The following CNTN6 variants were observed in gnomAD, a reference collection of about 807,000 sequenced individuals.
The protein encoded by CNTN6 is contactin 6, also known as contactin-6.
Under a neutral mutation model 122.8 loss-of-function variants are expected in CNTN6, and 137 were observed. The ratio of observed to expected loss-of-function variants is 1.12; its 90% CI spans 0.97 to 1.29. CNTN6 has a LOEUF of 1.29. Among genes scored for constraint, CNTN6 ranks in the 50% most tolerant of loss-of-function variants. CNTN6 has a pLI of 0.00. For missense variants in CNTN6, 1,634 were observed against 1,223.4 expected, an observed-to-expected ratio of 1.34 and a Z score of -5.01; for synonymous variants, 570 against 426.0, an observed-to-expected ratio of 1.34 and a Z score of -4.16.
At chr3:1,246,301 A>G (rs187673411) in intron 4 of CNTN6, among the ~76,000 whole-genome samples, 111 of 152,296 alleles carry the variant, frequency 7.3e-4, no homozygotes, top group Non-Finnish European at 1.2e-3. Flanking sequence ...CATGCAATAT[A>G]TAATATATTG....
At chr3:1,284,590 T>G (rs1694031010) in intron 5 of CNTN6, among the ~76,000 whole-genome samples, 1 of 152,212 alleles carries the variant, frequency 6.6e-6, no homozygotes, top group Non-Finnish European at 1.5e-5. Context: ...TTCTGCATTT[T>G]AGTGATAAAG....
At chr3:1,223,938 A>G (rs1575307889) in intron 3 of CNTN6, among the ~76,000 whole-genome samples, 1 of 152,200 alleles carries the variant, frequency 6.6e-6, no homozygotes, top group Non-Finnish European at 1.5e-5. Flanking sequence ...TATTGCACAC[A>G]TCGTATAATT....
chr3:1,201,097 TTTTGTGTG>T (rs1197219228), intron 2 of CNTN6, among the ~76,000 whole-genome samples: 1,433 of 112,780 alleles, frequency 0.013, 18 homozygotes, highest in Non-Finnish European at 0.013. Flanking sequence ...CCAGCTAACA[TTTTGTGTG>T]TGTGTGTGTG....
chr3:1,376,979 C>T (rs764056282), intron 16 of CNTN6, 26 bp from the exon 17 acceptor site: 2 of 1,500,930 alleles, frequency 1.3e-6, no homozygotes, highest in East Asian at 2.3e-5. Context: ...TAATTGCCAT[C>T]CCACATTTCT....
chr3:1,184,566 G>A (rs772345875), intron 2 of CNTN6, among the ~76,000 whole-genome samples: 1 of 151,990 alleles, frequency 6.6e-6, no homozygotes, highest in Non-Finnish European at 1.5e-5. Context: ...TTTCATAATA[G>A]GCTGTATTTG....
chr3:1,149,090 G>T (rs2092783808), intron 2 of CNTN6, among the ~76,000 whole-genome samples: 3 of 152,232 alleles, frequency 2.0e-5, no homozygotes, highest in Non-Finnish European at 4.4e-5. Context: ...TGATAGAAAA[G>T]CTGCAAAATT....
intron 4 of CNTN6, among the ~76,000 whole-genome samples, chr3:1,267,959 C>G (rs1022019808): frequency 7.2e-5 from 11 of 152,010 alleles, no homozygotes; most frequent in African/African-American, 2.7e-4. Context: ...GATGATTTAC[C>G]TGAAGATTTG....
At chr3:1,347,112 A>G (rs1200922962) in intron 11 of CNTN6, among the ~76,000 whole-genome samples, 1 of 152,160 alleles carries the variant, frequency 6.6e-6, no homozygotes, top group Non-Finnish European at 1.5e-5. Flanking sequence ...TATAAAATCT[A>G]CCCAGTGTCA....
chr3:1,335,318 C>T (rs759401525), intron 11 of CNTN6, among the ~76,000 whole-genome samples: 2 of 152,136 alleles, frequency 1.3e-5, no homozygotes, highest in Admixed American at 1.3e-4. Context: ...ATGCTTTTAC[C>T]TCTGGCAGCC....
intron 17 of CNTN6, among the ~76,000 whole-genome samples, chr3:1,378,866 G>T (rs1336848131): frequency 6.6e-6 from 1 of 152,114 alleles, no homozygotes; most frequent in Non-Finnish European, 1.5e-5. Context: ...CTGAGTCCTT[G>T]AGTATATCTA....
At chr3:1,325,752 T>C (rs1701445092) in intron 8 of CNTN6, 63 bp from the exon 9 acceptor site, 2 of 1,560,450 alleles carry the variant, frequency 1.3e-6, no homozygotes, top group East Asian at 2.2e-5. Flanking sequence ...GCCCTTGTAA[T>C]GTAGCATAAT....
intron 20 of CNTN6, among the ~76,000 whole-genome samples, chr3:1,395,743 C>A (rs1052633532): frequency 6.6e-6 from 1 of 152,124 alleles, no homozygotes; most frequent in Non-Finnish European, 1.5e-5. Flanking sequence ...TTGGGGGATC[C>A]TTATTTTGCT....
intron 9 of CNTN6, among the ~76,000 whole-genome samples, chr3:1,327,230 T>C (rs1701662973): frequency 6.6e-6 from 1 of 151,868 alleles, no homozygotes; most frequent in South Asian, 2.1e-4. Flanking sequence ...AGTATGTCAA[T>C]TGTCAAAGAA....
At chr3:1,189,606 T>G (rs994326301) in intron 2 of CNTN6, among the ~76,000 whole-genome samples, 4 of 152,176 alleles carry the variant, frequency 2.6e-5, no homozygotes, top group Admixed American at 6.6e-5. Flanking sequence ...GAGCCAGAAC[T>G]TTAGATTATA....
intron 7 of CNTN6, among the ~76,000 whole-genome samples, chr3:1,306,524 G>T (rs1235875522): frequency 6.6e-6 from 1 of 152,130 alleles, no homozygotes; most frequent in Non-Finnish European, 1.5e-5. Context: ...GAAGGCAAAT[G>T]GTATGCTGAA....
At chr3:1,304,813 G>A (rs972327854) in intron 7 of CNTN6, among the ~76,000 whole-genome samples, 1 of 151,772 alleles carries the variant, frequency 6.6e-6, no homozygotes, top group South Asian at 2.1e-4. Flanking sequence ...CCAAGAAGGT[G>A]AAACCCCCTT....
intron 3 of CNTN6, among the ~76,000 whole-genome samples, chr3:1,221,557 G>GA (rs568370195): frequency 2.0e-4 from 30 of 150,812 alleles, no homozygotes; most frequent in South Asian, 8.4e-4. Context: ...GGGCAAATAA[G>GA]AAAAAAAAAC....
chr3:1,100,941 T>C (rs992184151), intron 1 of CNTN6, among the ~76,000 whole-genome samples: 26 of 152,144 alleles, frequency 1.7e-4, no homozygotes, highest in Admixed American at 9.8e-4. Flanking sequence ...GGTGGTTCAT[T>C]CTTCCTGGTG....
intron 4 of CNTN6, among the ~76,000 whole-genome samples, chr3:1,265,568 G>T (rs899020974): frequency 6.6e-6 from 1 of 152,160 alleles, no homozygotes; most frequent in Non-Finnish European, 1.5e-5. Context: ...ACATTTAGGG[G>T]AGGAGTATTG....
Sources: allele counts gnomAD v4.1 joint callset (sites outside exome capture counted in the v4.1 genomes callset), GRCh38; gene constraint gnomAD v4.1.1; transcripts MANE v1.5; gene names NCBI Gene and HGNC (gene_info 2026-07-23, HGNC 2026-07-21).